The following CROCC variants were observed in gnomAD, a reference collection of about 807,000 sequenced individuals.
The protein encoded by CROCC is rootletin.
CROCC carries 180 observed loss-of-function variants against 245.2 expected under a neutral mutation model. The ratio of observed to expected loss-of-function variants is 0.73; its 90% CI spans 0.65 to 0.83. CROCC has a LOEUF of 0.83. Among genes scored for constraint, CROCC ranks in the 40% least tolerant of loss-of-function variants. The probability of loss-of-function intolerance (pLI) is 0.00; values close to 1 mark genes in which losing one functional copy is unlikely to be tolerated. For synonymous variants in CROCC, 1,205 were observed against 1,241.6 expected, an observed-to-expected ratio of 0.97 and a Z score of 0.62; for missense variants, 2,688 against 2,779.4, an observed-to-expected ratio of 0.97 and a Z score of 0.74.
At chr1:16,946,474 G>A in intron 16 of CROCC, 69 bp downstream of exon 16, 1 of 1,570,918 alleles carries the variant, frequency 6.4e-7, no homozygotes, top group Non-Finnish European at 8.7e-7. Context: ...GGCACCCCGG[G>A]CCCAGCCCTG....
intron 33 of CROCC, 98 bp downstream of exon 33, chr1:16,970,032 G>T: frequency 7.0e-7 from 1 of 1,430,980 alleles, no homozygotes. Context: ...CCAAACCCTG[G>T]TGCAGCCTCC....
chr1:16,925,835 G>A (rs1480369383), intron 3 of CROCC, among the ~76,000 whole-genome samples: 4 of 152,370 alleles, frequency 2.6e-5, no homozygotes, highest in African/African-American at 4.8e-5. Flanking sequence ...TGGAGAGCTC[G>A]TTTCCCCAGG....
At chr1:16,930,849 G>A (rs1296137585) in intron 7 of CROCC, among the ~76,000 whole-genome samples, 1 of 152,288 alleles carries the variant, frequency 6.6e-6, no homozygotes, top group African/African-American at 2.4e-5. Flanking sequence ...TTTAAAGAGA[G>A]GTTAAGGCCG....
chr1:16,958,863 C>T (rs1235400027), intron 26 of CROCC, 113 bp downstream of exon 26: 3 of 1,210,694 alleles, frequency 2.5e-6, no homozygotes, highest in East Asian at 2.6e-5. Context: ...CTTGCTCCTT[C>T]CCCCACTCCT....
chr1:16,937,015 C>T (rs1478679746), intron 9 of CROCC, 142 bp downstream of exon 9: 11 of 917,850 alleles, frequency 1.2e-5, no homozygotes, highest in Admixed American at 5.1e-5. Flanking sequence ...ACTGAGGTTC[C>T]GAAGGCACTT....
intron 1 of CROCC, 104 bp downstream of exon 1, chr1:16,922,182 G>A (rs565026275): frequency 1.6e-6 from 2 of 1,219,320 alleles, no homozygotes; most frequent in African/African-American, 1.5e-5. Flanking sequence ...GGTGGGAGAG[G>A]TGTGGTGGTG....
chr1:16,972,575 G>A lies in CROCC; in HGVS notation c.*129G>A. On this transcript the variant is annotated 3_prime_UTR_variant, in exon 37 of 37. Coordinates refer to ENST00000375541, the MANE Select transcript of CROCC (RefSeq NM_014675.5). The stretch of plus-strand genomic sequence containing the variant: ...CTGGGGTGGGATGAGGAGGCGCTCT[G>A]CTGGCAGTGCTGAGGACGGGTACTC... The A allele has an allele frequency of 1.7e-6, 1 of 605,736 alleles. No homozygotes were observed. Among genetic ancestry groups the A allele is most frequent in the Non-Finnish European group, 2.9e-6 (1 of 348,912 alleles). 37.5% of individuals were successfully genotyped at this position (605,736 alleles called of 1,614,324 possible).
intron 27 of CROCC, among the ~76,000 whole-genome samples, chr1:16,963,530 C>CT (rs1346158069): frequency 6.6e-6 from 1 of 152,200 alleles, no homozygotes; most frequent in Admixed American, 6.5e-5. Flanking sequence ...TTGGGAACCT[C>CT]TGAGCGAGGC....
Position 16,961,131 on chromosome 1 carries a change from G to A in CROCC, c.4405+1G>A. On this transcript the variant is annotated splice_donor_variant, in intron 27 of 36. Transcript: ENST00000375541. LOFTEE classifies it high-confidence loss of function. ...CCTGCCCGGGACGCACCCGCAGAAG[G>A]TAAGGGCAGTGCCGCGCGCAGGGAA... 2 of 1,336,784 alleles carry A rather than the reference G, an allele frequency of 1.5e-6. No homozygotes were observed. The highest frequency in any genetic ancestry group is 1.9e-6 in the Non-Finnish European group (2 of 1,048,366). 82.8% of individuals were successfully genotyped at this position (1,336,784 alleles called of 1,614,324 possible).
chr1:16,937,982 A>C (rs1307686565), intron 10 of CROCC, among the ~76,000 whole-genome samples: 1 of 152,274 alleles, frequency 6.6e-6, no homozygotes, highest in Admixed American at 6.5e-5. Context: ...AAGAGGGGTA[A>C]TGCTTGTCCA....
At chr1:16,938,797 G>A in intron 11 of CROCC, 112 bp from the exon 12 acceptor site, 1 of 1,079,942 alleles carries the variant, frequency 9.3e-7, no homozygotes, top group South Asian at 1.4e-5. Flanking sequence ...CTTCTTGTAA[G>A]AGGCAGCATT....
chr1:16,946,153 C>G, intron 15 of CROCC, 106 bp from the exon 16 acceptor site: 1 of 1,302,348 alleles, frequency 7.7e-7, no homozygotes, highest in South Asian at 1.5e-5. Flanking sequence ...TCCTTGTCTC[C>G]CCTACCCTGT....
At chr1:16,918,530 C>T (rs1487735671), upstream of CROCC, among the ~76,000 whole-genome samples, 3 of 152,282 alleles carry the variant, frequency 2.0e-5, no homozygotes, top group East Asian at 5.8e-4. Flanking sequence ...CCAGTTCAGT[C>T]CCTCAAGGAC....
chr1:16,917,308 C>A (rs1467780194), upstream of CROCC, among the ~76,000 whole-genome samples: 6 of 152,284 alleles, frequency 3.9e-5, no homozygotes, highest in African/African-American at 1.4e-4. Context: ...ACAGATGTAA[C>A]GTTTTGGGCA....
rs1275635769 is a variant in CROCC, at chr1:16,966,667, G to C, written c.4860+96G>C. ...TGTGTCTCCCTGTGTCTGTCTGCCT[G>C]AGTCTCTCTGCAACCCACTGAGGTG... On this transcript the variant is annotated intron_variant, in intron 30 of 36. Coordinates refer to ENST00000375541, the MANE Select transcript of CROCC (RefSeq NM_014675.5). This position sits in a 1 kb window ranked among gnomAD's most constrained non-coding sequence, Gnocchi z 4.8. 7.4e-7 allele frequency: 1 copy of C among 1,360,290 alleles called. No individual in the cohort carries two copies. The highest frequency in any genetic ancestry group is 1.5e-5 in the African/African-American group (1 of 67,240). 84.3% of individuals were successfully genotyped at this position (1,360,290 alleles called of 1,614,324 possible).
Position 16,931,425 on chromosome 1 carries a change from A to C in CROCC, c.956+28A>C, listed in dbSNP as rs777305483. 9 of 1,577,170 alleles carry C rather than the reference A, an allele frequency of 5.7e-6. No individual in the cohort carries two copies. In the South Asian group the frequency reaches 1.0e-4, roughly 18 times the overall value. ...GAGGCCTGGCCGGGGACGGGGCAGC[A>C]GCTGAGAGCCAGCCCTGCTCTTTAT... On this transcript the variant is annotated intron_variant, in intron 8 of 36. Coordinates refer to ENST00000375541, the MANE Select transcript of CROCC (RefSeq NM_014675.5).
chr1:16,946,884 G>A lies in CROCC; in HGVS notation c.2407G>A (p.Gly803Ser). The change falls in exon 17 of 37, where the codon GGC (glycine) becomes AGC (serine). Residue 803 changes from glycine (G) to serine (S), a missense_variant. This residue lies in a region of CROCC where 295 missense variants were observed against 241.7 expected (regional missense o/e 1.22). Coordinates refer to ENST00000375541, the MANE Select transcript of CROCC (RefSeq NM_014675.5). ...GTTGGAGCAGGAGGTGGCGCGGCAG[G>A]GCCTGGAGGGCTCCCTACGAGTGGC... is the stretch of plus-strand genomic sequence containing the variant. ...LRLEQEVARQ[G>S]LEGSLRVAEQ... The A allele has an allele frequency of 6.4e-7, 1 of 1,562,714 alleles. No homozygotes were observed. Among genetic ancestry groups the A allele is most frequent in the Non-Finnish European group, 8.7e-7 (1 of 1,153,714 alleles).
In CROCC at chr1:16,938,905, T is replaced by G. The variant is rs750250923; in HGVS notation, c.1375-4T>G. 23 of 1,603,760 alleles carry G rather than the reference T, an allele frequency of 1.4e-5. No homozygotes were observed. The highest frequency in any genetic ancestry group is 1.9e-5 in the Non-Finnish European group (22 of 1,176,990). ...CTCCTTCTGCCTCCCTCCCCCACCC[T>G]CAGGCCGTCTTGTCAGACTCTGAGA... is the stretch of plus-strand genomic sequence containing the variant. On this transcript the variant is annotated splice_region_variant and splice_polypyrimidine_tract_variant and intron_variant, in intron 11 of 36. Coordinates refer to ENST00000375541, the MANE Select transcript of CROCC (RefSeq NM_014675.5).
At chr1:16,946,536 C>G (rs773006104) in intron 16 of CROCC, 131 bp downstream of exon 16, 43 of 1,359,696 alleles carry the variant, frequency 3.2e-5, no homozygotes, top group Admixed American at 2.3e-4. Context: ...CTGTCTGTCT[C>G]TGGTTCTCTG....
Sources: allele counts gnomAD v4.1 joint callset (sites outside exome capture counted in the v4.1 genomes callset), GRCh38; gene constraint gnomAD v4.1.1; regional missense constraint gnomAD v4.1.1; non-coding constraint Gnocchi (gnomAD v3.1); transcripts MANE v1.5; gene names NCBI Gene and HGNC (gene_info 2026-07-23, HGNC 2026-07-21).